PUS1: variants seen among roughly 807,000 people sequenced by gnomAD.
The protein encoded by PUS1 is pseudouridylate synthase 1 homolog.
Under a neutral mutation model 38.5 loss-of-function variants are expected in PUS1, and 25 were observed. The ratio of observed to expected loss-of-function variants is 0.65; its 90% CI spans 0.47 to 0.91. PUS1 has a LOEUF of 0.91. PUS1 is among the 40% of genes least tolerant of loss of function. The pLI is 0.00. For missense variants in PUS1, 597 were observed against 612.3 expected, an observed-to-expected ratio of 0.97 and a Z score of 0.26; for synonymous variants, 282 against 260.4, an observed-to-expected ratio of 1.08 and a Z score of -0.80.
intron 3 of PUS1, chr12:131,932,687 T>A (rs1198767209): frequency 2.4e-6 from 1 of 410,124 alleles, no homozygotes; most frequent in South Asian, 2.0e-5. Flanking sequence ...GCCACACTTG[T>A]ATGATGCAAC....
chr12:131,934,835 C>T (rs568527261), intron 3 of PUS1: 7 of 152,234 alleles, frequency 4.6e-5, no homozygotes, highest in Non-Finnish European at 8.8e-5. Flanking sequence ...TCTCAGGCTG[C>T]CTGAAGGCAT....
chr12:131,942,626 T>C (rs779513620), intron 5 of PUS1, among the ~76,000 whole-genome samples: 5 of 152,170 alleles, frequency 3.3e-5, no homozygotes, highest in East Asian at 1.9e-4. Context: ...CAGGATGGTC[T>C]TGATCTCCTG....
intron 3 of PUS1, chr12:131,932,701 C>T: frequency 2.5e-6 from 1 of 396,538 alleles, no homozygotes; most frequent in Non-Finnish European, 4.9e-6. Flanking sequence ...ATGCAACATT[C>T]TCTTTTCTTT....
At chr12:131,942,390 G>C (rs1891115434) in intron 5 of PUS1, among the ~76,000 whole-genome samples, 1 of 150,752 alleles carries the variant, frequency 6.6e-6, no homozygotes. Context: ...TGTCCCCAAA[G>C]CCCGAGTTTG....
chr12:131,938,882 C>T (rs539538455), intron 3 of PUS1, among the ~76,000 whole-genome samples: 4 of 152,106 alleles, frequency 2.6e-5, no homozygotes, highest in Admixed American at 6.6e-5. Flanking sequence ...TCACCATGCC[C>T]GGCTAATTTT....
Position 131,945,095 on chromosome 12 carries a change from G to GT in PUS1, c.*1509_*1510insT, listed in dbSNP as rs1891243278. ...CGGTGCACACAACTAATGCGCATGC[G>GT]CCTGACGTGCCAACAATGCATGTGA... On this transcript the variant is annotated 3_prime_UTR_variant, in exon 6 of 6. Transcript: ENST00000376649. The GT allele has an allele frequency of 6.6e-6, 1 of 152,302 alleles. No homozygotes were observed. The highest frequency in any genetic ancestry group is 1.5e-5 in the Non-Finnish European group (1 of 68,062). 9.4% of individuals were successfully genotyped at this position (152,302 alleles called of 1,614,324 possible).
At position 131,929,388 on chromosome 12, in the gene PUS1, G is replaced by T; in HGVS notation, c.-335G>T. 1 of 321,588 alleles carries T rather than the reference G, an allele frequency of 3.1e-6. No individual in the cohort carries two copies. 19.9% of individuals were successfully genotyped at this position (321,588 alleles called of 1,614,324 possible). On this transcript the variant is annotated 5_prime_UTR_variant, in exon 1 of 6. The change creates a new upstream start codon in the 5' untranslated region. Transcript: ENST00000376649. ...CACCGGGCGGGGCGGGAGGTGAAGA[G>T]GCTGGGGAAGTCAGAGGTTAACCTG...
In PUS1 at chr12:131,932,420, G is replaced by A. The variant is rs201240699; in HGVS notation, c.441+108G>A. On this transcript the variant is annotated intron_variant, in intron 3 of 5. Coordinates refer to ENST00000376649, the MANE Select transcript of PUS1 (RefSeq NM_025215.6). ...ATGCTGTTTCTGAGCACATAATGAT[G>A]TACAAATCAAACTAGCCTACGCCTT... is the stretch of plus-strand genomic sequence containing the variant. The A allele has an allele frequency of 5.7e-4, 767 of 1,340,908 alleles. 7 individuals carry two copies. The African/African-American group carries it at 1.0e-2, about 17-fold the overall frequency. The allele number at this position is 1,340,908 out of a possible 1,614,324, so 83.1% of individuals were successfully genotyped here. A position where few individuals can be genotyped will look rare whatever the true frequency, so the allele number is the denominator to read the frequency against.
chr12:131,936,442 A>ACGCCTGT (rs1890838425), intron 3 of PUS1, among the ~76,000 whole-genome samples: 2 of 151,514 alleles, frequency 1.3e-5, no homozygotes, highest in East Asian at 1.9e-4. Flanking sequence ...GCACGCCTGT[A>ACGCCTGT]ATCCCAGCTA....
chr12:131,929,878 G>A, intron 1 of PUS1, 29 bp from the exon 2 acceptor site: 2 of 1,462,892 alleles, frequency 1.4e-6, no homozygotes, highest in South Asian at 1.3e-5. Flanking sequence ...TGCCGAGCGG[G>A]CCCCCGCTCA....
At chr12:131,929,883 C>T (rs1206569141) in intron 1 of PUS1, 24 bp from the exon 2 acceptor site, 5 of 1,462,812 alleles carry the variant, frequency 3.4e-6, no homozygotes, top group Non-Finnish European at 4.5e-6. Flanking sequence ...AGCGGGCCCC[C>T]GCTCACGCCG....
chr12:131,934,328 G>A (rs933586929), intron 3 of PUS1, among the ~76,000 whole-genome samples: 1 of 152,164 alleles, frequency 6.6e-6, no homozygotes, highest in African/African-American at 2.4e-5. Context: ...GACTCCCTTT[G>A]CCGGTCTGTG....
Position 131,943,572 on chromosome 12 carries a change from G to A in PUS1, c.1270G>A (p.Gly424Arg), listed in dbSNP as rs548416202. The part of the protein sequence containing the change: ...PSPLEGSEGD[G>R]DTD ...TCCCCTGGAAGGCAGTGAAGGGGAC[G>A]GAGACACTGACTGAGGCGATGGGAG... Residue 424 changes from glycine (G) to arginine (R), a missense_variant, in exon 6 of 6, where the codon GGA becomes AGA. Transcript: ENST00000376649. The A allele has an allele frequency of 4.3e-5, 69 of 1,613,550 alleles. No homozygotes were observed. The highest frequency in any genetic ancestry group is 2.0e-4 in the Admixed American group (12 of 60,016).
chr12:131,931,988 C>A lies in PUS1; in HGVS notation c.304-187C>A. 4.4e-6 allele frequency: 3 copies of A among 686,836 alleles called. No individual in the cohort carries two copies. In the South Asian group the frequency reaches 4.6e-5, roughly 11 times the overall value. The allele number at this position is 686,836 out of a possible 1,614,324, so 42.5% of individuals were successfully genotyped here. Reference sequence around the variant, plus strand: ...ACACTACCCACCCCCTAGCATGGAGCAGCCCGGCCCCAGGGTGAGTGAGCA... The same window carrying A: ...ACACTACCCACCCCCTAGCATGGAGAAGCCCGGCCCCAGGGTGAGTGAGCA... On this transcript the variant is annotated intron_variant, in intron 2 of 5. Transcript: ENST00000376649.
In PUS1 at chr12:131,941,576, C is replaced by A. The variant is rs149324363; in HGVS notation, c.829C>A (p.Leu277Met). The A allele has an allele frequency of 4.2e-5, 68 of 1,614,182 alleles. No homozygotes were observed. Among genetic ancestry groups the A allele is most frequent in the African/African-American group, 4.1e-4 (31 of 75,056 alleles). ...YCEEPFVREG[L>M]EFAVIRVKGQ... is the part of the protein sequence containing the mutation. ...CGAGGAACCCTTTGTGCGGGAGGGC[C>A]TGGAGTTTGCGGTGATCAGGGTGAA... Residue 277 changes from leucine (L) to methionine (M), a missense_variant, in exon 5 of 6, where the codon CTG (leucine) becomes ATG (methionine). Physicochemically the swap from Leu to Met is conservative, Grantham distance 15. Coordinates refer to ENST00000376649, the MANE Select transcript of PUS1 (RefSeq NM_025215.6). This position sits in a 1 kb window ranked among gnomAD's most constrained non-coding sequence, Gnocchi z 4.4.
rs1374505455 is a variant in PUS1, at chr12:131,944,038, G to C, written c.*452G>C. On this transcript the variant is annotated 3_prime_UTR_variant, in exon 6 of 6. Coordinates refer to ENST00000376649, the MANE Select transcript of PUS1 (RefSeq NM_025215.6). ...GAGGTGGGCAGATCGCTTGAGTACA[G>C]GAGTTCCAGACCAGCCTGGGTAAAA... 4.4e-6 allele frequency: 1 copy of C among 224,890 alleles called. No individual in the cohort carries two copies. Among genetic ancestry groups the C allele is most frequent in the Non-Finnish European group, 9.0e-6 (1 of 111,056 alleles). 13.9% of individuals were successfully genotyped at this position (224,890 alleles called of 1,614,324 possible).
At chr12:131,942,419 T>C (rs1388611705) in intron 5 of PUS1, among the ~76,000 whole-genome samples, 1 of 150,754 alleles carries the variant, frequency 6.6e-6, no homozygotes. Context: ...TTTTTTTTTG[T>C]TGTTTGAGAC....
chr12:131,932,126 C>T (rs747681575), intron 2 of PUS1, 49 bp from the exon 3 acceptor site: 33 of 1,564,340 alleles, frequency 2.1e-5, no homozygotes, highest in East Asian at 6.8e-5. Context: ...AACATCATGG[C>T]GACCTCTGTC....
chr12:131,941,001 A>G lies in PUS1; in HGVS notation c.545-291A>G, dbSNP rs867862730. ...ATATCCATCACTCCAAGCATGTATC[A>G]TTTCTTTGTGTTGGAGACATTCCGT... On this transcript the variant is annotated intron_variant, in intron 4 of 5. Transcript: ENST00000376649. The surrounding 1 kb of genome is among the most constrained non-coding windows in gnomAD (Gnocchi z 4.4). 8.4e-6 allele frequency: 4 copies of G among 478,634 alleles called. No homozygotes were observed. The Admixed American group carries it at 1.3e-4, about 16-fold the overall frequency. 29.6% of individuals were successfully genotyped at this position (478,634 alleles called of 1,614,324 possible). A position where few individuals can be genotyped will look rare whatever the true frequency, so the allele number is the denominator to read the frequency against.
Sources: allele counts gnomAD v4.1 joint callset (sites outside exome capture counted in the v4.1 genomes callset), GRCh38; gene constraint gnomAD v4.1.1; non-coding constraint Gnocchi (gnomAD v3.1); transcripts MANE v1.5; gene names NCBI Gene and HGNC (gene_info 2026-07-23, HGNC 2026-07-21).